Variants in WDFY4 observed in about 807,000 individuals in gnomAD.
The protein encoded by WDFY4 is WDFY family member 4, also known as WD repeat- and FYVE domain-containing protein 4.
Under a neutral mutation model 351.9 loss-of-function variants are expected in WDFY4, and 169 were observed. That is an observed-to-expected ratio of 0.48 (90% CI 0.42 to 0.55). The LOEUF is 0.55. Among genes scored for constraint, WDFY4 ranks in the 20% least tolerant of loss-of-function variants. The probability of loss-of-function intolerance (pLI) is 0.00; values close to 1 mark genes in which losing one functional copy is unlikely to be tolerated. For missense variants in WDFY4, 3,803 were observed against 3,935.6 expected, an observed-to-expected ratio of 0.97 and a Z score of 0.90; for synonymous variants, 1,622 against 1,574.6, an observed-to-expected ratio of 1.03 and a Z score of -0.71.
rs1268638356 is a variant in WDFY4 at position 48,832,640 on chromosome 10, T to A, written c.6594T>A (p.Ser2198Arg). 1 of 1,550,938 alleles carries A rather than the reference T, an allele frequency of 6.4e-7. No homozygotes were observed. Among genetic ancestry groups the A allele is most frequent in the East Asian group, 2.4e-5 (1 of 40,900 alleles). ...ACCACAGCAAAGTCACTTTGTGGAG[T>A]GGAAGCCTGTCCTCAGCCATGAAGC... ...VAHHSKVTLW[S>R]GSLSSAMKLM... is the part of the protein sequence containing the mutation. The change falls in exon 39 of 62, where the codon AGT becomes AGA. Residue 2198 changes from serine to arginine, a missense_variant. Ser to Arg is a moderately radical substitution (Grantham distance 110). Coordinates refer to ENST00000325239, the MANE Select transcript of WDFY4 (RefSeq NM_001394531.1).
intron 24 of WDFY4, among the ~76,000 whole-genome samples, chr10:48,798,138 G>T (rs183145252): frequency 9.1e-4 from 138 of 152,310 alleles, no homozygotes; most frequent in Middle Eastern, 6.8e-3. Context: ...ACCAGAGGGA[G>T]ACTGACAGTC....
chr10:48,839,585 A>AC (rs374743332), intron 39 of WDFY4, among the ~76,000 whole-genome samples: 4,715 of 152,296 alleles, frequency 0.031, 254 homozygotes, highest in African/African-American at 0.11. Context: ...GCAGGAAAGC[A>AC]GAAAGGCCAG....
chr10:48,747,245 C>A (rs180830405), intron 12 of WDFY4, among the ~76,000 whole-genome samples: 109 of 152,158 alleles, frequency 7.2e-4, no homozygotes, highest in African/African-American at 2.5e-3. Flanking sequence ...ATTTCTCTTC[C>A]TTTGAAGGTA....
At chr10:48,833,141 ATG>A (rs1227956041) in intron 39 of WDFY4, among the ~76,000 whole-genome samples, 2,279 of 141,536 alleles carry the variant, frequency 0.016, 24 homozygotes, top group African/African-American at 0.016. Flanking sequence ...GGCACCAACA[ATG>A]TGTGTGTGTG....
rs535221665 is a variant in WDFY4, at chr10:48,833,170, T to TGAGAGAGAGAGAGA, written c.6663+462_6663+463insAGAGAGAGAGAGAG. ...GTGTGTGTGTGTGTGTGTGTGTGTGTGTGAGAGAGAGAGAGAGAGAGAGAG... is the reference window on the plus strand; with the variant it reads ...GTGTGTGTGTGTGTGTGTGTGTGTGTGAGAGAGAGAGAGAGTGAGAGAGAGAGAGAGAGAGAGAG... On this transcript the variant is annotated intron_variant, in intron 39 of 61. Transcript: ENST00000325239. Among the ~76,000 whole-genome samples, 5 of 139,370 alleles carry TGAGAGAGAGAGAGA rather than the reference T, an allele frequency of 3.6e-5. No homozygotes were observed. The East Asian group carries it at 9.6e-4, about 27-fold the overall frequency. 91.4% of individuals were successfully genotyped at this position (139,370 alleles called of 152,430 possible).
intron 13 of WDFY4, among the ~76,000 whole-genome samples, chr10:48,771,481 A>G (rs75907999): frequency 0.024 from 3,651 of 152,294 alleles, 129 homozygotes; most frequent in African/African-American, 0.078. Context: ...CAGTGATTGC[A>G]TAATCCATAC....
chr10:48,703,400 T>A (rs1394493640), intron 1 of WDFY4, among the ~76,000 whole-genome samples: 1 of 152,244 alleles, frequency 6.6e-6, no homozygotes, highest in African/African-American at 2.4e-5. Flanking sequence ...TGGCCCATTA[T>A]GGAGATGGCA....
chr10:48,974,527 A>AAAAAAAAAACAAAACAAC, intron 57 of WDFY4, among the ~76,000 whole-genome samples: 7 of 23,146 alleles, frequency 3.0e-4, no homozygotes, highest in Admixed American at 1.8e-3. Flanking sequence ...AAAAAAAAAA[A>AAAAAAAAAACAAAACAAC]AACAACTCAT....
At position 48,964,006 on chromosome 10, in the gene WDFY4, A is replaced by G; in HGVS notation, c.8388A>G (p.Lys2796=). The G allele has an allele frequency of 6.5e-7, 1 of 1,550,164 alleles. No homozygotes were observed. The highest frequency in any genetic ancestry group is 8.7e-7 in the Non-Finnish European group (1 of 1,146,866). ...GCAGCATCACTGACCCCCTCATCAA[A>G]AGCACCATCCTGGGGTTTGTCAGCA... is the stretch of plus-strand genomic sequence containing the variant. ...DLSSITDPLI[K]STILGFVSNF... is the part of the protein sequence containing the mutation. The change falls in exon 54 of 62, where the codon AAA becomes AAG. Residue 2796 remains lysine, a synonymous_variant. Transcript: ENST00000325239.
At chr10:48,747,229 G>A (rs1275673736) in intron 12 of WDFY4, among the ~76,000 whole-genome samples, 2 of 152,080 alleles carry the variant, frequency 1.3e-5, no homozygotes, top group East Asian at 1.9e-4. Context: ...TTTTAAAATC[G>A]TTTTTATTTC....
chr10:48,787,965 TCTTCTTCTTCTTCTTCTTCTCCTTCTC>T (rs2066535091), intron 20 of WDFY4, among the ~76,000 whole-genome samples: 4 of 93,482 alleles, frequency 4.3e-5, no homozygotes, highest in Non-Finnish European at 9.0e-5. Flanking sequence ...TTCTTCTTCT[TCTTCTTCTTCTTCTTCTTCTCCTTCTC>T]CTTCTCCTTC....
chr10:48,815,727 T>A (rs1315469239), intron 31 of WDFY4, among the ~76,000 whole-genome samples: 1 of 151,418 alleles, frequency 6.6e-6, no homozygotes, highest in Non-Finnish European at 1.5e-5. Context: ...AGTTAGATAA[T>A]CCTATGCTTT....
chr10:48,888,410 T>TTAGA (rs1470084473), intron 43 of WDFY4, among the ~76,000 whole-genome samples: 1 of 151,948 alleles, frequency 6.6e-6, no homozygotes, highest in African/African-American at 2.4e-5. Context: ...ATCTTCTTGT[T>TTAGA]TAGATACACC....
chr10:48,916,005 T>G (rs1360186394), intron 47 of WDFY4, among the ~76,000 whole-genome samples: 1 of 152,130 alleles, frequency 6.6e-6, no homozygotes, highest in Non-Finnish European at 1.5e-5. Context: ...GGAGTCCAAG[T>G]CCAGTTAAGA....
chr10:48,699,613 C>A (rs1206285869), intron 1 of WDFY4, among the ~76,000 whole-genome samples: 1 of 152,188 alleles, frequency 6.6e-6, no homozygotes, highest in Non-Finnish European at 1.5e-5. Flanking sequence ...AAATGGTATC[C>A]CTAATGTCCA....
At chr10:48,947,010 ACACACACACATAC>A in intron 51 of WDFY4, 41 bp downstream of exon 51, 1 of 1,378,018 alleles carries the variant, frequency 7.3e-7, no homozygotes, top group Non-Finnish European at 1.0e-6. Flanking sequence ...ACACACACAC[ACACACACACATAC>A]GCCTGTATCA....
intron 1 of WDFY4, among the ~76,000 whole-genome samples, chr10:48,706,434 G>A (rs887465834): frequency 6.6e-5 from 10 of 152,158 alleles, no homozygotes; most frequent in African/African-American, 1.9e-4. Flanking sequence ...GCAGGAGACC[G>A]AGCCTCAGAT....
intron 39 of WDFY4, among the ~76,000 whole-genome samples, chr10:48,854,553 A>G (rs894255727): frequency 2.0e-5 from 3 of 152,192 alleles, no homozygotes; most frequent in African/African-American, 7.2e-5. Context: ...CACAATAGAC[A>G]AGAGAGGTCC....
chr10:48,837,584 C>T (rs2068447549), intron 39 of WDFY4, among the ~76,000 whole-genome samples: 1 of 152,120 alleles, frequency 6.6e-6, no homozygotes, highest in Non-Finnish European at 1.5e-5. Context: ...TCAAGTGAGG[C>T]TGGGACAGGT....
Sources: gnomAD v4.1 joint callset for allele counts (sites outside exome capture counted in the v4.1 genomes callset) on GRCh38, gnomAD v4.1.1 for gene constraint, MANE v1.5 for transcripts, NCBI Gene and HGNC (gene_info 2026-07-23, HGNC 2026-07-21) for gene names.